NRROS: variants seen among roughly 807,000 people sequenced by gnomAD.
NRROS encodes negative regulator of reactive oxygen species, also known as transforming growth factor beta activator LRRC33.
NRROS carries 6 observed loss-of-function variants against 12.0 expected under a neutral mutation model. The observed-to-expected ratio is 0.50, with a 90% confidence interval of 0.27 to 0.98. NRROS has a LOEUF of 0.98. Among genes scored for constraint, NRROS ranks in the 50% least tolerant of loss-of-function variants. NRROS has a pLI of 0.11. For missense variants in NRROS, 857 were observed against 888.2 expected (o/e 0.96, Z 0.45); for synonymous variants, 462 against 410.2 (o/e 1.13, Z -1.53).
intron 2 of NRROS, among the ~76,000 whole-genome samples, chr3:196,656,770 A>C (rs1436317153): frequency 6.6e-6 from 1 of 152,094 alleles, no homozygotes; most frequent in East Asian, 1.9e-4. Flanking sequence ...TTTCTGGCCC[A>C]GTGGGCAGGA....
intron 1 of NRROS, among the ~76,000 whole-genome samples, chr3:196,646,504 TGGC>T (rs200936701): frequency 0.014 from 2,092 of 152,324 alleles, 14 homozygotes; most frequent in Non-Finnish European, 0.022. Flanking sequence ...TGTGGCCAGA[TGGC>T]AGCCTGTGGG....
chr3:196,657,088 C>T (rs1737549972), intron 2 of NRROS, among the ~76,000 whole-genome samples: 2 of 151,946 alleles, frequency 1.3e-5, no homozygotes, highest in Non-Finnish European at 2.9e-5. Context: ...CCTGTGATCT[C>T]AGCTACTCAG....
At chr3:196,659,114 G>C (rs1341780597) in intron 2 of NRROS, among the ~76,000 whole-genome samples, 2 of 152,096 alleles carry the variant, frequency 1.3e-5, no homozygotes, top group Non-Finnish European at 2.9e-5. Flanking sequence ...GACCAGGGTG[G>C]CCTCGTCCCT....
chr3:196,657,632 G>T (rs4912586), intron 2 of NRROS, among the ~76,000 whole-genome samples: 23,775 of 151,016 alleles, frequency 0.16, 2,086 homozygotes, highest in Admixed American at 0.29. Flanking sequence ...GCTTGAACCC[G>T]GCAGGCAGAG....
intron 2 of NRROS, among the ~76,000 whole-genome samples, chr3:196,656,297 G>A (rs2108641364): frequency 6.6e-6 from 1 of 152,320 alleles, no homozygotes; most frequent in African/African-American, 2.4e-5. Flanking sequence ...TTAAAGCATA[G>A]CTGTCATGGT....
intron 1 of NRROS, among the ~76,000 whole-genome samples, chr3:196,645,842 G>A (rs1244423320): frequency 1.3e-5 from 2 of 152,078 alleles, no homozygotes; most frequent in Non-Finnish European, 2.9e-5. Context: ...GGGTCCACAC[G>A]CTGCAGCTCC....
intron 1 of NRROS, among the ~76,000 whole-genome samples, chr3:196,644,331 G>A (rs537478359): frequency 1.3e-5 from 2 of 149,682 alleles, no homozygotes; most frequent in East Asian, 2.0e-4. Context: ...CCCTGGAGGC[G>A]GAGGTTGCAG....
Position 196,660,774 on chromosome 3 carries a change from G to T in NRROS, c.1131G>T (p.Ala377=). The T allele has an allele frequency of 6.2e-7, 1 of 1,613,666 alleles. No individual in the cohort carries two copies. The highest frequency in any genetic ancestry group is 8.5e-7 in the Non-Finnish European group (1 of 1,180,026). ...TTCGGGAGCACGAGCCCCCCGGAGC[G>T]CTCACCGAGCTGGACCTGAGCCACA... ...LHIREHEPPG[A]LTELDLSHNQ... Residue 377 remains alanine (A), a synonymous_variant, in exon 3 of 3, where the codon GCG becomes GCT. Coordinates refer to ENST00000328557, the MANE Select transcript of NRROS (RefSeq NM_198565.3). The surrounding 1 kb of genome is among the most constrained non-coding windows in gnomAD (Gnocchi z 7.7).
In NRROS at chr3:196,654,493, T is replaced by C; in HGVS notation, c.-13-34T>C. The C allele has an allele frequency of 7.8e-7, 1 of 1,290,210 alleles. No individual in the cohort carries two copies. The highest frequency in any genetic ancestry group is 2.3e-5 in the East Asian group (1 of 43,556). 79.9% of individuals were successfully genotyped at this position (1,290,210 alleles called of 1,614,324 possible). On this transcript the variant is annotated intron_variant, in intron 1 of 2. Coordinates refer to ENST00000328557, the MANE Select transcript of NRROS (RefSeq NM_198565.3). The surrounding 1 kb of genome is among the most constrained non-coding windows in gnomAD (Gnocchi z 4.4). The stretch of plus-strand genomic sequence containing the variant: ...CAAACAGCCCTCTGGGATGTCCTTC[T>C]CTGACTTACCTCTTCCCTGCTCTCT...
At position 196,654,729 on chromosome 3, in the gene NRROS, C is replaced by T. The variant is rs974701103; in HGVS notation, c.108+82C>T. 1.2e-6 allele frequency: 1 copy of T among 856,882 alleles called. No homozygotes were observed. The highest frequency in any genetic ancestry group is 2.3e-5 in the Admixed American group (1 of 43,036). 53.1% of individuals were successfully genotyped at this position (856,882 alleles called of 1,614,324 possible). ...CCATTTGGAAAGCTGACAGATTGTC[C>T]ATCAGGAAGGGCAGAGAATGAAGGA... On this transcript the variant is annotated intron_variant, in intron 2 of 2. Coordinates refer to ENST00000328557, the MANE Select transcript of NRROS (RefSeq NM_198565.3). This position sits in a 1 kb window ranked among gnomAD's most constrained non-coding sequence, Gnocchi z 4.4.
chr3:196,659,416 C>T lies in NRROS; in HGVS notation c.109-336C>T, dbSNP rs370651704. On this transcript the variant is annotated intron_variant, in intron 2 of 2. Coordinates refer to ENST00000328557, the MANE Select transcript of NRROS (RefSeq NM_198565.3). ...CTCTGCCTCCTGGGTTCAAGCAATT[C>T]TCTGCCTCAGCCTCCGGAGTAGCTG... Among the ~76,000 whole-genome samples the T allele has an allele frequency of 6.1e-5, 9 of 147,408 alleles. No individual in the cohort carries two copies. In the East Asian group the frequency reaches 1.3e-3, roughly 20 times the overall value.
chr3:196,655,604 G>T (rs1490449752), intron 2 of NRROS, among the ~76,000 whole-genome samples: 1 of 152,150 alleles, frequency 6.6e-6, no homozygotes, highest in African/African-American at 2.4e-5. Flanking sequence ...AGAATCTCCG[G>T]GTGAGGTGCT....
chr3:196,661,160 T>A lies in NRROS; in HGVS notation c.1517T>A (p.Leu506His). 1.2e-6 allele frequency: 2 copies of A among 1,612,602 alleles called. No homozygotes were observed. Among genetic ancestry groups the A allele is most frequent in the Non-Finnish European group, 1.7e-6 (2 of 1,179,018 alleles). ...WGVLNGSLAP[L>H]QDVAPMLQVL... ...GTTCTGAATGGGAGCCTCGCCCCAC[T>A]CCAGGATGTTGCCCCCATGTTACAG... Residue 506 changes from leucine (L) to histidine (H), a missense_variant, in exon 3 of 3, where the codon CTC becomes CAC. Transcript: ENST00000328557.
rs1307757091 is a variant in NRROS at position 196,659,387 on chromosome 3, C to G, written c.109-365C>G. ...GCAGTGGTGCAGTCTCGGCTCACTG[C>G]AATCTCTGCCTCCTGGGTTCAAGCA... On this transcript the variant is annotated intron_variant, in intron 2 of 2. Transcript: ENST00000328557. Among the ~76,000 whole-genome samples, 4 of 146,478 alleles carry G rather than the reference C, an allele frequency of 2.7e-5. No homozygotes were observed. In the Admixed American group the frequency reaches 2.8e-4, roughly 10 times the overall value.
chr3:196,641,582 A>T (rs948636087), intron 1 of NRROS, among the ~76,000 whole-genome samples: 2 of 152,160 alleles, frequency 1.3e-5, no homozygotes, highest in East Asian at 3.8e-4. Flanking sequence ...TAAATTCATC[A>T]TCCAAGAGTT....
intron 1 of NRROS, among the ~76,000 whole-genome samples, chr3:196,646,042 C>T (rs1028580257): frequency 6.6e-6 from 1 of 152,236 alleles, no homozygotes; most frequent in Non-Finnish European, 1.5e-5. Context: ...TGGTGGGGTC[C>T]CCCGCCCACT....
chr3:196,658,862 C>T lies in NRROS; in HGVS notation c.109-890C>T, dbSNP rs191348411. Among the ~76,000 whole-genome samples the T allele has an allele frequency of 3.0e-3, 450 of 152,146 alleles. 3 individuals carry two copies. Among genetic ancestry groups the T allele is most frequent in the Non-Finnish European group, 5.3e-3 (362 of 67,998 alleles). On this transcript the variant is annotated intron_variant, in intron 2 of 2. Transcript: ENST00000328557. The stretch of plus-strand genomic sequence containing the variant: ...GCATGTGCCTGTAATCCCAGCTACT[C>T]GGGAGGCTGAAACAGGAGAATTGCT...
chr3:196,654,431 C>T lies in NRROS; in HGVS notation c.-13-96C>T, dbSNP rs143979371. ...ATGGAGCTCCACAGAGCTCCAAGACCACATAGAATTGGAACTGGCTCCTTC... is the reference window on the plus strand; with the variant it reads ...ATGGAGCTCCACAGAGCTCCAAGACTACATAGAATTGGAACTGGCTCCTTC... On this transcript the variant is annotated intron_variant, in intron 1 of 2. Transcript: ENST00000328557. The surrounding 1 kb of genome is among the most constrained non-coding windows in gnomAD (Gnocchi z 4.4). The T allele has an allele frequency of 1.9e-4, 151 of 781,074 alleles. 1 individual carries two copies. The East Asian group carries it at 3.6e-3, about 18-fold the overall frequency. 48.4% of individuals were successfully genotyped at this position (781,074 alleles called of 1,614,324 possible). A position where few individuals can be genotyped will look rare whatever the true frequency, so the allele number is the denominator to read the frequency against.
intron 1 of NRROS, among the ~76,000 whole-genome samples, chr3:196,650,691 T>G (rs1177119580): frequency 6.6e-6 from 1 of 152,230 alleles, no homozygotes; most frequent in Non-Finnish European, 1.5e-5. Flanking sequence ...TTCATGTTGT[T>G]TTTATGAATG....
Sources: allele counts gnomAD v4.1 joint callset (sites outside exome capture counted in the v4.1 genomes callset), GRCh38; gene constraint gnomAD v4.1.1; non-coding constraint Gnocchi (gnomAD v3.1); transcripts MANE v1.5; gene names NCBI Gene and HGNC (gene_info 2026-07-23, HGNC 2026-07-21).